The following CNTNAP3 variants were observed in gnomAD, a reference collection of about 807,000 sequenced individuals.
CNTNAP3 encodes contactin associated protein family member 3.
A neutral mutation model predicts 92.1 loss-of-function variants in CNTNAP3; 36 were observed. That is an observed-to-expected ratio of 0.39 (90% CI 0.30 to 0.52). CNTNAP3 has a LOEUF of 0.52. Among genes scored for constraint, CNTNAP3 ranks in the 20% least tolerant of loss-of-function variants. The probability of loss-of-function intolerance (pLI) is 0.76; values close to 1 mark genes in which losing one functional copy is unlikely to be tolerated. For missense variants in CNTNAP3, 534 were observed against 1,069.6 expected, an observed-to-expected ratio of 0.50 and a Z score of 6.98; for synonymous variants, 232 against 422.3, an observed-to-expected ratio of 0.55 and a Z score of 5.53.
intron 23 of CNTNAP3, among the ~76,000 whole-genome samples, chr9:39,074,803 C>G (rs1279885079): frequency 3.3e-5 from 5 of 152,292 alleles, no homozygotes; most frequent in Non-Finnish European, 5.9e-5. Flanking sequence ...GAGTCTTGCT[C>G]TGTCGCCCAG....
Position 39,228,564 on chromosome 9 carries a change from A to G in CNTNAP3, c.390+10429T>C, listed in dbSNP as rs1236128382. 2.6e-3 allele frequency among the ~76,000 whole-genome samples: 9 copies of G among 3,422 alleles called. 3 individuals are homozygous for G. The highest frequency in any genetic ancestry group is 2.8e-3 in the African/African-American group (9 of 3,194). The allele number at this position is 3,422 out of a possible 152,430, so 2.2% of individuals were successfully genotyped here. Reference sequence around the variant, plus strand: ...TGAATCTTTTTTTTTTTTTTTTGAGACAGAGTTTCACTCTTGTTGCCCAGG... The same window carrying G: ...TGAATCTTTTTTTTTTTTTTTTGAGGCAGAGTTTCACTCTTGTTGCCCAGG... On this transcript the variant is annotated intron_variant, in intron 3 of 23. Transcript: ENST00000297668.
chr9:39,136,160 T>TAATAATAATAATAATAATAATAAA (rs989573403), intron 12 of CNTNAP3, among the ~76,000 whole-genome samples: 2 of 134,806 alleles, frequency 1.5e-5, no homozygotes, highest in African/African-American at 5.8e-5. Flanking sequence ...ATAATAATAA[T>TAATAATAATAATAATAATAATAAA]AATAAAAATA....
intron 23 of CNTNAP3, among the ~76,000 whole-genome samples, chr9:39,075,590 A>G (rs1825740570): frequency 6.6e-6 from 1 of 152,302 alleles, no homozygotes; most frequent in East Asian, 1.9e-4. Context: ...CAGGATGTAA[A>G]TTCTCTTTTA....
intron 9 of CNTNAP3, among the ~76,000 whole-genome samples, chr9:39,151,974 T>A (rs1288096140): frequency 1.3e-5 from 2 of 149,848 alleles, no homozygotes; most frequent in African/African-American, 4.9e-5. Flanking sequence ...TAAATATACA[T>A]CAATATTTAT....
intron 14 of CNTNAP3, among the ~76,000 whole-genome samples, chr9:39,110,504 C>G (rs1826719685): frequency 6.6e-6 from 1 of 152,122 alleles, no homozygotes; most frequent in Non-Finnish European, 1.5e-5. Flanking sequence ...ATATTTTAGT[C>G]TCTGCCTTCT....
intron 15 of CNTNAP3, among the ~76,000 whole-genome samples, chr9:39,107,644 A>G (rs915457615): frequency 6.6e-6 from 1 of 152,200 alleles, no homozygotes; most frequent in Non-Finnish European, 1.5e-5. Flanking sequence ...AACACAGCTG[A>G]TAACAAATTA....
In CNTNAP3 at chr9:39,158,221, G is replaced by A. The variant is rs141851006; in HGVS notation, c.1477+7712C>T. 7.0e-4 allele frequency among the ~76,000 whole-genome samples: 101 copies of A among 144,828 alleles called. 9 individuals carry two copies. The highest frequency in any genetic ancestry group is 2.0e-3 in the African/African-American group (77 of 37,634). The stretch of plus-strand genomic sequence containing the variant: ...ACTCATTTCGCACTGTTAAAATTCC[G>A]TTGGGCAGAATGATGAAGGGAAGCT... On this transcript the variant is annotated intron_variant, in intron 9 of 23. Transcript: ENST00000297668.
chr9:39,067,009 T>C lies in CNTNAP3; in HGVS notation c.*6881A>G, dbSNP rs1825522589. Among the ~76,000 whole-genome samples the C allele has an allele frequency of 1.3e-5, 2 of 152,396 alleles. No homozygotes were observed. The highest frequency in any genetic ancestry group is 2.4e-5 in the African/African-American group (1 of 41,600). On this transcript the variant is annotated 3_prime_UTR_variant, in exon 24 of 24. Coordinates refer to ENST00000297668, the MANE Select transcript of CNTNAP3 (RefSeq NM_033655.5). Reference sequence around the variant, plus strand: ...CACACAGATTAGGCAACTGAAGTTGTCCCACAGATCACCGATACTCTGATT... The same window carrying C: ...CACACAGATTAGGCAACTGAAGTTGCCCCACAGATCACCGATACTCTGATT...
intron 18 of CNTNAP3, among the ~76,000 whole-genome samples, chr9:39,096,505 G>A (rs1453589863): frequency 6.6e-6 from 1 of 151,712 alleles, no homozygotes; most frequent in Non-Finnish European, 1.5e-5. Flanking sequence ...ATCAAATCAG[G>A]GTAACTGAGA....
intron 9 of CNTNAP3, chr9:39,159,365 T>C (rs1822026503): frequency 7.5e-6 from 1 of 133,982 alleles, no homozygotes; most frequent in Non-Finnish European, 1.6e-5. Flanking sequence ...ATTTTAAAAA[T>C]ATTATATATA....
At chr9:39,143,069 T>A (rs116283849) in intron 11 of CNTNAP3, among the ~76,000 whole-genome samples, 1,870 of 150,028 alleles carry the variant, frequency 0.012, 44 homozygotes, top group South Asian at 0.087. Context: ...AAGAAAACTT[T>A]AAAAGTTAAA....
At chr9:39,086,505 T>A in intron 20 of CNTNAP3, 1 of 678,502 alleles carries the variant, frequency 1.5e-6, no homozygotes, top group Non-Finnish European at 2.3e-6. Context: ...TTGACAGAAT[T>A]GCATTGCTAA....
At chr9:39,123,140 G>C (rs997250173) in intron 13 of CNTNAP3, among the ~76,000 whole-genome samples, 1 of 148,528 alleles carries the variant, frequency 6.7e-6, no homozygotes, top group African/African-American at 2.5e-5. Context: ...TGTCGCCCAG[G>C]CTGGAGTGCA....
chr9:39,285,923 G>A lies in CNTNAP3; in HGVS notation c.85+2057C>T, dbSNP rs566586882. ...CGAAAACCAGCTGTGAATAACGTGA[G>A]CAACTCATGGTGTCTACATGAGAAG... On this transcript the variant is annotated intron_variant, in intron 1 of 23. Coordinates refer to ENST00000297668, the MANE Select transcript of CNTNAP3 (RefSeq NM_033655.5). Among the ~76,000 whole-genome samples, 4 of 56,848 alleles carry A rather than the reference G, an allele frequency of 7.0e-5. 2 individuals are homozygous for A. The South Asian group carries it at 2.6e-3, about 37-fold the overall frequency. 37.3% of individuals were successfully genotyped at this position (56,848 alleles called of 152,430 possible). A position where few individuals can be genotyped will look rare whatever the true frequency, so the allele number is the denominator to read the frequency against.
chr9:39,132,752 A>C lies in CNTNAP3; in HGVS notation c.2080+180T>G, dbSNP rs371795718. 4.1e-4 allele frequency among the ~76,000 whole-genome samples: 63 copies of C among 152,272 alleles called. 2 individuals carry two copies. The East Asian group carries it at 7.5e-3, about 18-fold the overall frequency. On this transcript the variant is annotated intron_variant, in intron 13 of 23. Coordinates refer to ENST00000297668, the MANE Select transcript of CNTNAP3 (RefSeq NM_033655.5). ...GCTGAACGTCTCTCAACGGTCAGGA[A>C]GGCGCTCTTGAATGCTCTTTGGTCC... is the stretch of plus-strand genomic sequence containing the variant.
intron 13 of CNTNAP3, among the ~76,000 whole-genome samples, chr9:39,128,816 G>A (rs1821209116): frequency 1.3e-5 from 2 of 151,026 alleles, no homozygotes; most frequent in Non-Finnish European, 3.0e-5. Flanking sequence ...TCAAAAAAGA[G>A]CTTATAAGAT....
In CNTNAP3 at chr9:39,085,962, A is replaced by G. The variant is rs969667526; in HGVS notation, c.3355-139T>C. The G allele has an allele frequency of 1.5e-5, 12 of 821,830 alleles. No homozygotes were observed. In the Admixed American group the frequency reaches 2.5e-4, roughly 17 times the overall value. 50.9% of individuals were successfully genotyped at this position (821,830 alleles called of 1,614,324 possible). A position where few individuals can be genotyped will look rare whatever the true frequency, so the allele number is the denominator to read the frequency against. On this transcript the variant is annotated intron_variant, in intron 20 of 23. Coordinates refer to ENST00000297668, the MANE Select transcript of CNTNAP3 (RefSeq NM_033655.5). ...TACAAAAGCTCAAGAAGCCACCTTC[A>G]AATAATTAATCATTTAGAAAGAGAA... is the stretch of plus-strand genomic sequence containing the variant.
intron 1 of CNTNAP3, among the ~76,000 whole-genome samples, chr9:39,284,876 T>TC (rs954734220): frequency 0.011 from 102 of 8,974 alleles, 4 homozygotes; most frequent in African/African-American, 0.017. Flanking sequence ...TGGCCTGAAC[T>TC]CCATTTTTTA....
At chr9:39,122,056 G>C (rs149510780) in intron 13 of CNTNAP3, among the ~76,000 whole-genome samples, 5,755 of 152,148 alleles carry the variant, frequency 0.038, 97 homozygotes, top group Non-Finnish European at 0.06. Context: ...CTAATCCTAA[G>C]AGTACAGGAT....
Sources: allele counts gnomAD v4.1 joint callset (sites outside exome capture counted in the v4.1 genomes callset), GRCh38; gene constraint gnomAD v4.1.1; transcripts MANE v1.5; gene names NCBI Gene and HGNC (gene_info 2026-07-23, HGNC 2026-07-21).